EPB42: variants seen among roughly 807,000 people sequenced by gnomAD.
The protein encoded by EPB42 is protein 4.2.
EPB42 carries 49 observed loss-of-function variants against 76.9 expected under a neutral mutation model. That is an observed-to-expected ratio of 0.64 (90% confidence interval 0.51 to 0.81). EPB42 has a LOEUF of 0.81. EPB42 is among the 30% of genes least tolerant of loss of function. The probability of loss-of-function intolerance (pLI) is 0.00; values close to 1 mark genes in which losing one functional copy is unlikely to be tolerated. For synonymous variants in EPB42, 310 were observed against 338.4 expected, an observed-to-expected ratio of 0.92 and a Z score of 0.92; for missense variants, 731 against 867.6, an observed-to-expected ratio of 0.84 and a Z score of 1.98.
At position 43,215,141 on chromosome 15, in the gene EPB42, T is replaced by C. The variant is rs375782290; in HGVS notation, c.384A>G (p.Gln128=). 6.2e-7 allele frequency: 1 copy of C among 1,613,816 alleles called. No individual in the cohort carries two copies. Among genetic ancestry groups the C allele is most frequent in the African/African-American group, 1.3e-5 (1 of 74,800 alleles). The change falls in exon 3 of 13, where the codon CAA becomes CAG. Residue 128 remains glutamine (Q), a synonymous_variant. Coordinates refer to ENST00000441366, the MANE Select transcript of EPB42 (RefSeq NM_001114134.2). ...GCAGTGTGAACTGACCCAAGAGGAG[T>C]TGCTTCCTGCCTGAGACCTGCAGCA... The part of the protein sequence containing the change: ...SLLLQVSGRK[Q]LLLGQFTLLF...
rs763360633 is a variant in EPB42, at chr15:43,220,862, A to C, written c.-37T>G. ...GCTCCTCTTATCCACTTGGCCGCAG[A>C]AAGCGCCTCTCTCAAACTGTTGCTT... On this transcript the variant is annotated 5_prime_UTR_variant, in exon 1 of 13. Coordinates refer to ENST00000441366, the MANE Select transcript of EPB42 (RefSeq NM_001114134.2). The C allele has an allele frequency of 6.3e-7, 1 of 1,586,058 alleles. No homozygotes were observed. The highest frequency in any genetic ancestry group is 1.7e-5 in the Admixed American group (1 of 59,974).
chr15:43,218,642 C>T (rs1342838853), intron 1 of EPB42, among the ~76,000 whole-genome samples: 1 of 152,242 alleles, frequency 6.6e-6, no homozygotes, highest in Non-Finnish European at 1.5e-5. Context: ...TCAGTGTTTG[C>T]TCCGTCAATG....
chr15:43,208,100 T>C, intron 8 of EPB42, 130 bp downstream of exon 8: 1 of 772,132 alleles, frequency 1.3e-6, no homozygotes, highest in Non-Finnish European at 2.2e-6. Flanking sequence ...CTGGCTGCTG[T>C]CATGCCTCGT....
Position 43,207,326 on chromosome 15 carries a change from C to A in EPB42, c.1191G>T (p.Lys397Asn). The A allele has an allele frequency of 1.2e-6, 2 of 1,614,228 alleles. No homozygotes were observed. Among genetic ancestry groups the A allele is most frequent in the Non-Finnish European group, 8.5e-7 (1 of 1,180,042 alleles). Residue 397 changes from lysine (K) to asparagine (N), a missense_variant, in exon 9 of 13, where the codon AAG becomes AAT. Physicochemically the swap from Lys to Asn is moderately conservative, Grantham distance 94 (BLOSUM62 0). Transcript: ENST00000441366. ...ACTCCAGTGTCCCATCCTCACAGCA[C>A]TTCCAGACCACACATGAGGCATTTA... is the stretch of plus-strand genomic sequence containing the variant. ...AAINASCVVW[K>N]CCEDGTLELT...
intron 10 of EPB42, among the ~76,000 whole-genome samples, chr15:43,204,598 C>A (rs1284759245): frequency 6.6e-6 from 1 of 152,134 alleles, no homozygotes; most frequent in Non-Finnish European, 1.5e-5. Context: ...CCCCATTTTT[C>A]CTATTCTAGT....
intron 10 of EPB42, among the ~76,000 whole-genome samples, chr15:43,204,813 G>A (rs982919233): frequency 2.6e-5 from 4 of 151,984 alleles, no homozygotes; most frequent in African/African-American, 9.7e-5. Flanking sequence ...GAATCAAGTG[G>A]GGAGCTTTAC....
chr15:43,204,501 TG>T (rs2042171573), intron 10 of EPB42, among the ~76,000 whole-genome samples: 1 of 152,168 alleles, frequency 6.6e-6, no homozygotes, highest in African/African-American at 2.4e-5. Flanking sequence ...TGCCACCTGC[TG>T]GCCAGCTCCA....
rs116008388 is a variant in EPB42 at position 43,206,575 on chromosome 15, C to T, written c.1373G>A (p.Arg458His). The change falls in exon 10 of 13, where the codon CGT (arginine) becomes CAT (histidine). Residue 458 changes from arginine (R) to histidine (H), a missense_variant. Coordinates refer to ENST00000441366, the MANE Select transcript of EPB42 (RefSeq NM_001114134.2). The surrounding 1 kb of genome is among the most constrained non-coding windows in gnomAD (Gnocchi z 4.7). ...AGGACGGATGCCGTTGTCTTTCTCACGTTCCATTTTCTCTTTCTCGACTCT... is the reference window on the plus strand; with the variant it reads ...AGGACGGATGCCGTTGTCTTTCTCATGTTCCATTTTCTCTTTCTCGACTCT... ...LERVEKEKME[R>H]EKDNGIRPPS... is the part of the protein sequence containing the mutation. 123 of 1,614,190 alleles carry T rather than the reference C, an allele frequency of 7.6e-5. 1 individual carries two copies. Among genetic ancestry groups the T allele is most frequent in the East Asian group, 6.7e-4 (30 of 44,892 alleles).
At chr15:43,213,391 T>G (rs1218401834) in intron 3 of EPB42, among the ~76,000 whole-genome samples, 3 of 152,086 alleles carry the variant, frequency 2.0e-5, no homozygotes, top group Admixed American at 2.0e-4. Flanking sequence ...ATCTGAAAAC[T>G]TCTCAGTCAC....
chr15:43,212,987 C>G (rs1263847320), intron 3 of EPB42, among the ~76,000 whole-genome samples: 3 of 152,074 alleles, frequency 2.0e-5, no homozygotes, highest in Non-Finnish European at 4.4e-5. Flanking sequence ...CTGAAGGCAA[C>G]AGAAGGATAA....
intron 3 of EPB42, among the ~76,000 whole-genome samples, chr15:43,211,962 G>A (rs534690058): frequency 3.3e-5 from 5 of 152,268 alleles, no homozygotes; most frequent in Non-Finnish European, 5.9e-5. Context: ...TAGCTATTCA[G>A]GAGGCTGAAG....
At chr15:43,220,649 A>AACCCCCCCCCC in intron 1 of EPB42, 167 bp downstream of exon 1, 1 of 388,272 alleles carries the variant, frequency 2.6e-6, no homozygotes, top group South Asian at 1.7e-5. Flanking sequence ...CACCTACCAC[A>AACCCCCCCCCC]CCCCCCCCCC....
intron 1 of EPB42, among the ~76,000 whole-genome samples, chr15:43,218,977 A>C (rs1257287462): frequency 6.6e-6 from 1 of 151,418 alleles, no homozygotes; most frequent in African/African-American, 2.4e-5. Flanking sequence ...ACAATACCCC[A>C]CCCTCCTCCC....
At chr15:43,212,846 C>T (rs577581318) in intron 3 of EPB42, among the ~76,000 whole-genome samples, 4 of 152,174 alleles carry the variant, frequency 2.6e-5, no homozygotes, top group South Asian at 4.2e-4. Flanking sequence ...ACCCAGTGGC[C>T]GAGGTGGAGT....
intron 6 of EPB42, 59 bp from the exon 7 acceptor site, chr15:43,208,834 G>A: frequency 6.3e-7 from 1 of 1,575,928 alleles, no homozygotes; most frequent in Non-Finnish European, 8.6e-7. Context: ...GGGGGCGTGT[G>A]GGAGGCTAGG....
At chr15:43,197,635 C>T (rs1202212708) in intron 12 of EPB42, among the ~76,000 whole-genome samples, 171 bp from the exon 13 acceptor site, 2 of 152,196 alleles carry the variant, frequency 1.3e-5, no homozygotes, top group Non-Finnish European at 2.9e-5. Context: ...ACAGGAGCCA[C>T]CCAATGCTGA....
intron 8 of EPB42, among the ~76,000 whole-genome samples, chr15:43,207,852 C>A (rs1319467239): frequency 6.6e-6 from 1 of 152,202 alleles, no homozygotes; most frequent in Non-Finnish European, 1.5e-5. Context: ...CCTGAAGCTT[C>A]CTTTTCTGGG....
chr15:43,209,664 T>C (rs1241886641), intron 5 of EPB42: 2 of 541,380 alleles, frequency 3.7e-6, no homozygotes, highest in African/African-American at 1.9e-5. Context: ...ACCCTCCTTC[T>C]TAACAAGTTC....
At chr15:43,208,564 C>A (rs1264798504) in intron 7 of EPB42, 73 bp downstream of exon 7, 2 of 1,601,214 alleles carry the variant, frequency 1.2e-6, no homozygotes, top group African/African-American at 2.7e-5. Context: ...GGGGGTGGGG[C>A]TCCTGCAGAG....
Sources: gnomAD v4.1 joint callset for allele counts (sites outside exome capture counted in the v4.1 genomes callset) on GRCh38, gnomAD v4.1.1 for gene constraint, Gnocchi (gnomAD v3.1) non-coding constraint, MANE v1.5 for transcripts, NCBI Gene and HGNC (gene_info 2026-07-23, HGNC 2026-07-21) for gene names.